Variants in FHIT observed in about 807,000 individuals in gnomAD.
FHIT encodes bis(5'-adenosyl)-triphosphatase.
FHIT carries 19 observed loss-of-function variants against 17.9 expected under a neutral mutation model. That is an observed-to-expected ratio of 1.06 (90% confidence interval 0.74 to 1.56). FHIT has a LOEUF of 1.56. Among genes scored for constraint, FHIT ranks in the 40% most tolerant of loss-of-function variants. The pLI, the probability that FHIT is intolerant of heterozygous loss-of-function variation, is 0.00. For missense variants in FHIT, 248 were observed against 189.2 expected (o/e 1.31, Z -1.82); for synonymous variants, 81 against 69.7 (o/e 1.16, Z -0.81).
At chr3:59,887,613 C>T (rs1319911445) in intron 8 of FHIT, among the ~76,000 whole-genome samples, 2 of 152,088 alleles carry the variant, frequency 1.3e-5, no homozygotes, top group Admixed American at 1.3e-4. Context: ...GTAAAAGTAC[C>T]ACGTGTGCAG....
chr3:60,480,092 G>A (rs1341938050), intron 5 of FHIT, among the ~76,000 whole-genome samples: 1 of 152,158 alleles, frequency 6.6e-6, no homozygotes, highest in Non-Finnish European at 1.5e-5. Flanking sequence ...GAGGCCTCAG[G>A]AAACTTACAA....
intron 3 of FHIT, among the ~76,000 whole-genome samples, chr3:60,896,109 T>C (rs1705808177): frequency 6.6e-6 from 1 of 152,078 alleles, no homozygotes. Flanking sequence ...GCATACTCAT[T>C]ATGAGAATCT....
chr3:60,401,498 C>T (rs1246911331), intron 5 of FHIT, among the ~76,000 whole-genome samples: 1 of 152,078 alleles, frequency 6.6e-6, no homozygotes, highest in Non-Finnish European at 1.5e-5. Flanking sequence ...TAACCCTCCA[C>T]CCCCACAACT....
intron 2 of FHIT, among the ~76,000 whole-genome samples, chr3:61,054,345 T>C (rs898664772): frequency 1.4e-5 from 2 of 140,190 alleles, no homozygotes; most frequent in South Asian, 2.4e-4. Context: ...TGTAATGTTT[T>C]TGTAACAAAT....
At chr3:60,143,425 C>T (rs1700119030) in intron 5 of FHIT, among the ~76,000 whole-genome samples, 1 of 152,000 alleles carries the variant, frequency 6.6e-6, no homozygotes, top group Non-Finnish European at 1.5e-5. Flanking sequence ...TCCACTACAG[C>T]CATAGAAGTA....
At chr3:59,773,963 A>G (rs947159541) in intron 8 of FHIT, among the ~76,000 whole-genome samples, 1 of 152,232 alleles carries the variant, frequency 6.6e-6, no homozygotes, top group African/African-American at 2.4e-5. Context: ...CATGTTAATT[A>G]CCTACTGAAA....
chr3:60,731,894 G>A (rs2042037934), intron 4 of FHIT, among the ~76,000 whole-genome samples: 1 of 152,156 alleles, frequency 6.6e-6, no homozygotes, highest in Non-Finnish European at 1.5e-5. Context: ...ACTCATATCT[G>A]ACTAGCTGAC....
chr3:60,810,231 C>T (rs782615660), intron 4 of FHIT, among the ~76,000 whole-genome samples: 8 of 152,152 alleles, frequency 5.3e-5, no homozygotes, highest in Non-Finnish European at 8.8e-5. Flanking sequence ...ATTATAAAAG[C>T]AACTCCATTA....
intron 3 of FHIT, among the ~76,000 whole-genome samples, chr3:60,956,200 A>G (rs1344429755): frequency 6.6e-6 from 1 of 152,206 alleles, no homozygotes; most frequent in African/African-American, 2.4e-5. Context: ...AAACATCACA[A>G]AACCCATATG....
intron 3 of FHIT, among the ~76,000 whole-genome samples, chr3:61,010,842 A>C (rs1029533364): frequency 6.6e-6 from 1 of 152,236 alleles, no homozygotes; most frequent in Admixed American, 6.5e-5. Flanking sequence ...TCAAGAGTTG[A>C]CTGTTCCATG....
intron 5 of FHIT, among the ~76,000 whole-genome samples, chr3:60,288,670 T>C (rs1481657119): frequency 1.3e-5 from 2 of 151,896 alleles, no homozygotes; most frequent in Non-Finnish European, 2.9e-5. Context: ...ATGAAGTCTG[T>C]GTACAACTTC....
At chr3:60,624,476 C>A (rs1369442669) in intron 4 of FHIT, among the ~76,000 whole-genome samples, 1 of 151,986 alleles carries the variant, frequency 6.6e-6, no homozygotes, top group African/African-American at 2.4e-5. Context: ...GGAATCTGAG[C>A]AAGTTTTATA....
chr3:60,394,022 G>A (rs1488121542), intron 5 of FHIT, among the ~76,000 whole-genome samples: 1 of 152,172 alleles, frequency 6.6e-6, no homozygotes, highest in Non-Finnish European at 1.5e-5. Flanking sequence ...GAAAGAAAAT[G>A]AGTAGGAGGG....
chr3:59,855,700 T>C (rs1338676497), intron 8 of FHIT, among the ~76,000 whole-genome samples: 2 of 151,460 alleles, frequency 1.3e-5, no homozygotes, highest in African/African-American at 2.4e-5. Context: ...CACAAATTGA[T>C]GAAATAGAAA....
At chr3:59,939,921 G>A (rs918246433) in intron 7 of FHIT, among the ~76,000 whole-genome samples, 1 of 152,184 alleles carries the variant, frequency 6.6e-6, no homozygotes, top group African/African-American at 2.4e-5. Flanking sequence ...CATACATCCA[G>A]CAAGTCAGGA....
intron 4 of FHIT, among the ~76,000 whole-genome samples, chr3:60,717,562 T>A (rs1483152650): frequency 2.6e-5 from 4 of 152,192 alleles, no homozygotes; most frequent in Non-Finnish European, 4.4e-5. Flanking sequence ...GCGCAGGTTG[T>A]ACACTGCACA....
At chr3:60,698,547 T>C (rs1318787899) in intron 4 of FHIT, among the ~76,000 whole-genome samples, 1 of 152,168 alleles carries the variant, frequency 6.6e-6, no homozygotes, top group African/African-American at 2.4e-5. Flanking sequence ...TACCTATGGC[T>C]GGGGAGCTAA....
chr3:60,107,441 C>G (rs1444958411), intron 5 of FHIT, among the ~76,000 whole-genome samples: 2 of 152,148 alleles, frequency 1.3e-5, no homozygotes, highest in East Asian at 3.9e-4. Context: ...GATCGAACAA[C>G]AATTCATGCA....
chr3:61,014,793 A>T, intron 3 of FHIT, among the ~76,000 whole-genome samples: 1 of 85,064 alleles, frequency 1.2e-5, no homozygotes, highest in Non-Finnish European at 2.9e-5. Context: ...AAAAAAAAAA[A>T]AAAAAAAAAA....
Sources: gnomAD v4.1 joint callset for allele counts (sites outside exome capture counted in the v4.1 genomes callset) on GRCh38, gnomAD v4.1.1 for gene constraint, MANE v1.5 for transcripts, NCBI Gene and HGNC (gene_info 2026-07-23, HGNC 2026-07-21) for gene names.